Variants in PDZD8 observed in about 807,000 individuals in gnomAD.
The protein encoded by PDZD8 is PDZ domain containing 8, also known as PDZ domain-containing protein 8.
PDZD8 carries 14 observed loss-of-function variants against 85.8 expected under a neutral mutation model. That is an observed-to-expected ratio of 0.16 (90% confidence interval 0.11 to 0.26). The LOEUF (loss-of-function observed/expected upper bound fraction) is 0.26. Ranked by LOEUF, PDZD8 falls within the 10% of genes least tolerant of loss-of-function variation. The pLI is 1.00. For missense variants in PDZD8, 1,197 were observed against 1,424.3 expected (o/e 0.84, Z 2.57); for synonymous variants, 592 against 568.6 (o/e 1.04, Z -0.59).
At chr10:117,325,178 C>G (rs551659683) in intron 2 of PDZD8, among the ~76,000 whole-genome samples, 2 of 152,170 alleles carry the variant, frequency 1.3e-5, no homozygotes, top group Non-Finnish European at 2.9e-5. Context: ...TTGAATACAA[C>G]AGCCCAGCCG....
chr10:117,299,713 T>A (rs1407533967), intron 3 of PDZD8, among the ~76,000 whole-genome samples: 2 of 152,140 alleles, frequency 1.3e-5, no homozygotes, highest in Admixed American at 1.3e-4. Flanking sequence ...GAATTTTTCA[T>A]CCATATCCTA....
In PDZD8 at chr10:117,321,592, TA is replaced by T. The variant is rs1844225960; in HGVS notation, c.996-2619del. On this transcript the variant is annotated intron_variant, in intron 2 of 4. Coordinates refer to ENST00000334464, the MANE Select transcript of PDZD8 (RefSeq NM_173791.5). ...TGGTTATACAGCCCTGTAAATTTATTAAAAATCAGTTACTTGTATATTTTAA... is the reference window on the plus strand; with the variant it reads ...TGGTTATACAGCCCTGTAAATTTATTAAAATCAGTTACTTGTATATTTTAA... Among the ~76,000 whole-genome samples the T allele has an allele frequency of 2.0e-5, 3 of 152,188 alleles. No homozygotes were observed. In the South Asian group the frequency reaches 6.2e-4, roughly 32 times the overall value.
At chr10:117,325,706 A>T (rs1284506949) in intron 2 of PDZD8, among the ~76,000 whole-genome samples, 2 of 151,850 alleles carry the variant, frequency 1.3e-5, no homozygotes, top group African/African-American at 4.8e-5. Context: ...CCCAGCCAAA[A>T]CTATGAAAAA....
chr10:117,335,478 G>GT (rs1844500785), intron 2 of PDZD8, among the ~76,000 whole-genome samples: 1 of 152,176 alleles, frequency 6.6e-6, no homozygotes, highest in African/African-American at 2.4e-5. Flanking sequence ...AGATAACAGT[G>GT]TAAGGCAAAA....
intron 4 of PDZD8, 136 bp from the exon 5 acceptor site, chr10:117,285,607 A>G: frequency 9.6e-6 from 11 of 1,151,486 alleles, no homozygotes; most frequent in Non-Finnish European, 1.3e-5. Context: ...TAATAGGAAA[A>G]TCTCAACAAT....
chr10:117,287,828 CT>C (rs766112351), intron 4 of PDZD8, among the ~76,000 whole-genome samples: 3 of 152,168 alleles, frequency 2.0e-5, no homozygotes, highest in Non-Finnish European at 4.4e-5. Flanking sequence ...AAATTCAGAG[CT>C]TTCTAATATG....
rs543553076 is a variant in PDZD8 at position 117,374,324 on chromosome 10, C to T, written c.872+32G>A. On this transcript the variant is annotated intron_variant, in intron 1 of 4. Coordinates refer to ENST00000334464, the MANE Select transcript of PDZD8 (RefSeq NM_173791.5). This position sits in a 1 kb window ranked among gnomAD's most constrained non-coding sequence, Gnocchi z 7.8. ...GTCCCGCCCAGGCCCGGGTTCCCGG[C>T]AGCCAGGCCCCCTCCCCGACCTCCA... 6.2e-7 allele frequency: 1 copy of T among 1,603,112 alleles called. No individual in the cohort carries two copies.
chr10:117,360,539 T>C (rs1378893795), intron 1 of PDZD8, among the ~76,000 whole-genome samples: 3 of 152,120 alleles, frequency 2.0e-5, no homozygotes. Context: ...AACTCTGATA[T>C]ATGTCCTTGA....
chr10:117,310,387 G>A (rs571302287), intron 3 of PDZD8, among the ~76,000 whole-genome samples: 30 of 152,254 alleles, frequency 2.0e-4, no homozygotes, highest in Middle Eastern at 3.4e-3. Flanking sequence ...ATGATACAAT[G>A]CCTTACACCT....
At chr10:117,364,220 GTGTC>G (rs1845048800) in intron 1 of PDZD8, among the ~76,000 whole-genome samples, 1 of 151,810 alleles carries the variant, frequency 6.6e-6, no homozygotes, top group Non-Finnish European at 1.5e-5. Flanking sequence ...GAGTGTGTGT[GTGTC>G]TGTGTGTCTG....
intron 1 of PDZD8, among the ~76,000 whole-genome samples, chr10:117,358,918 T>C (rs1564712128): frequency 6.6e-6 from 1 of 152,164 alleles, no homozygotes; most frequent in Non-Finnish European, 1.5e-5. Flanking sequence ...CCTACAGACA[T>C]GTCAGGTAGC....
chr10:117,347,082 C>T (rs1174165648), intron 1 of PDZD8, among the ~76,000 whole-genome samples: 2 of 151,880 alleles, frequency 1.3e-5, no homozygotes, highest in East Asian at 3.9e-4. Flanking sequence ...CCTGTGTGTC[C>T]CTGTCCTGAA....
intron 2 of PDZD8, among the ~76,000 whole-genome samples, chr10:117,330,222 C>T (rs370838836): frequency 3.9e-5 from 6 of 152,014 alleles, no homozygotes; most frequent in African/African-American, 1.2e-4. Flanking sequence ...CAGAAACATC[C>T]TCATGCAGAA....
chr10:117,334,985 T>C (rs1316862095), intron 2 of PDZD8, among the ~76,000 whole-genome samples: 2 of 148,636 alleles, frequency 1.3e-5, no homozygotes, highest in Admixed American at 6.7e-5. Context: ...AAAAAAAAAA[T>C]AGCCCAAGCT....
At chr10:117,304,839 G>A (rs117213745) in intron 3 of PDZD8, among the ~76,000 whole-genome samples, 1,975 of 152,252 alleles carry the variant, frequency 0.013, 20 homozygotes, top group Non-Finnish European at 0.021. Context: ...GGAATTGCAA[G>A]TCCAAATAAG....
In PDZD8 at chr10:117,374,846, C is replaced by T; in HGVS notation, c.382G>A (p.Glu128Lys). The T allele has an allele frequency of 6.2e-7, 1 of 1,613,604 alleles. No homozygotes were observed. Among genetic ancestry groups the T allele is most frequent in the Non-Finnish European group, 8.5e-7 (1 of 1,179,900 alleles). Residue 128 changes from glutamate to lysine, a missense_variant, in exon 1 of 5, where the codon GAG becomes AAG. Transcript: ENST00000334464. The surrounding 1 kb of genome is among the most constrained non-coding windows in gnomAD (Gnocchi z 7.8). ...GCCGTCTTGGTCTGCAGCAGCTCCT[C>T]GAACTCCACCTTGATCTTCTTGGTG... ...WVTKKIKVEF[E>K]ELLQTKTAGR... is the part of the protein sequence containing the mutation.
intron 2 of PDZD8, among the ~76,000 whole-genome samples, chr10:117,340,557 G>A (rs1465709889): frequency 1.3e-5 from 2 of 152,102 alleles, no homozygotes; most frequent in Non-Finnish European, 2.9e-5. Context: ...TCAGAGTTGA[G>A]CCCAATCTCT....
intron 2 of PDZD8, among the ~76,000 whole-genome samples, chr10:117,319,584 G>T (rs1228332336): frequency 6.6e-6 from 1 of 152,062 alleles, no homozygotes; most frequent in Admixed American, 6.6e-5. Context: ...TTAGCATAGT[G>T]CCTAGCAAAC....
Position 117,374,311 on chromosome 10 carries a change from C to G in PDZD8, c.872+45G>C, listed in dbSNP as rs963600091. 1 of 1,597,654 alleles carries G rather than the reference C, an allele frequency of 6.3e-7. No homozygotes were observed. The highest frequency in any genetic ancestry group is 8.5e-7 in the Non-Finnish European group (1 of 1,170,820). ...CAATCCACGCAGCGTCCCGCCCAGGCCCGGGTTCCCGGCAGCCAGGCCCCC... is the reference window on the plus strand; with the variant it reads ...CAATCCACGCAGCGTCCCGCCCAGGGCCGGGTTCCCGGCAGCCAGGCCCCC... On this transcript the variant is annotated intron_variant, in intron 1 of 4. Transcript: ENST00000334464. The surrounding 1 kb of genome is among the most constrained non-coding windows in gnomAD (Gnocchi z 7.8).
Sources: gnomAD v4.1 joint callset for allele counts (sites outside exome capture counted in the v4.1 genomes callset) on GRCh38, gnomAD v4.1.1 for gene constraint, Gnocchi (gnomAD v3.1) non-coding constraint, MANE v1.5 for transcripts, NCBI Gene and HGNC (gene_info 2026-07-23, HGNC 2026-07-21) for gene names.